SNIP1: variants seen among roughly 807,000 people sequenced by gnomAD.
SNIP1 encodes the protein smad nuclear-interacting protein 1.
Under a neutral mutation model 37.4 loss-of-function variants are expected in SNIP1, and 23 were observed. The observed-to-expected ratio is 0.61, with a 90% confidence interval of 0.44 to 0.87. The LOEUF is 0.87. Ranked by LOEUF, SNIP1 falls within the 40% of genes least tolerant of loss-of-function variation. The pLI is 0.00. For missense variants in SNIP1, 459 were observed against 540.4 expected, an observed-to-expected ratio of 0.85 and a Z score of 1.49; for synonymous variants, 174 against 200.0, an observed-to-expected ratio of 0.87 and a Z score of 1.10.
In SNIP1 at chr1:37,535,381, G is replaced by C. The variant is rs1396818014; in HGVS notation, c.*2367C>G. 2 of 151,216 alleles carry C rather than the reference G, an allele frequency of 1.3e-5. No individual in the cohort carries two copies. Among genetic ancestry groups the C allele is most frequent in the African/African-American group, 4.9e-5 (2 of 40,938 alleles). 9.4% of individuals were successfully genotyped at this position (151,216 alleles called of 1,614,324 possible). A position where few individuals can be genotyped will look rare whatever the true frequency, so the allele number is the denominator to read the frequency against. The stretch of plus-strand genomic sequence containing the variant: ...CACTCCAGCCTGGGCGACAGAGTGA[G>C]ACGCCATCTCAAAACAAACAAACCA... On this transcript the variant is annotated 3_prime_UTR_variant, in exon 4 of 4. Transcript: ENST00000296215.
intron 2 of SNIP1, among the ~76,000 whole-genome samples, chr1:37,552,208 G>A (rs996337198): frequency 1.3e-5 from 2 of 152,200 alleles, no homozygotes; most frequent in Non-Finnish European, 2.9e-5. Context: ...GAAGTTGACA[G>A]AAGTTAAGGA....
At chr1:37,553,411 T>C (rs1189297945) in intron 1 of SNIP1, among the ~76,000 whole-genome samples, 1 of 152,202 alleles carries the variant, frequency 6.6e-6, no homozygotes, top group East Asian at 1.9e-4. Context: ...AACTATTTTG[T>C]TTATTTTTTT....
chr1:37,552,468 A>G (rs1044698668), intron 2 of SNIP1, 177 bp downstream of exon 2: 2 of 599,996 alleles, frequency 3.3e-6, no homozygotes, highest in Admixed American at 3.1e-5. Flanking sequence ...TAAGCAAACA[A>G]GCAGAAAAAA....
chr1:37,543,844 G>A (rs1299747911), intron 2 of SNIP1, among the ~76,000 whole-genome samples: 1 of 151,760 alleles, frequency 6.6e-6, no homozygotes, highest in Non-Finnish European at 1.5e-5. Context: ...AGAGGCAGCA[G>A]AAACAAGTCT....
At position 37,534,549 on chromosome 1, in the gene SNIP1, A is replaced by G. The variant is rs955876258; in HGVS notation, c.*3199T>C. 1.3e-5 allele frequency: 2 copies of G among 152,220 alleles called. No homozygotes were observed. The highest frequency in any genetic ancestry group is 1.3e-4 in the Admixed American group (2 of 15,276). 9.4% of individuals were successfully genotyped at this position (152,220 alleles called of 1,614,324 possible). A position where few individuals can be genotyped will look rare whatever the true frequency, so the allele number is the denominator to read the frequency against. ...CACTGTGGGCTCAGAACATTATTTC[A>G]CAAGCAGGTATTGCTGGCACGTTGT... is the stretch of plus-strand genomic sequence containing the variant. On this transcript the variant is annotated 3_prime_UTR_variant, in exon 4 of 4. Coordinates refer to ENST00000296215, the MANE Select transcript of SNIP1 (RefSeq NM_024700.4).
In SNIP1 at chr1:37,544,010, G is replaced by A. The variant is rs372224475; in HGVS notation, c.328-3255C>T. Among the ~76,000 whole-genome samples the A allele has an allele frequency of 2.0e-4, 31 of 152,142 alleles. No individual in the cohort carries two copies. The South Asian group carries it at 6.0e-3, about 30-fold the overall frequency. On this transcript the variant is annotated intron_variant, in intron 2 of 3. Coordinates refer to ENST00000296215, the MANE Select transcript of SNIP1 (RefSeq NM_024700.4). ...AAAATGCAAAAATTAGCCAGGTGTGGTAGCGCATGCCTGTAATCCAGCTAC... is the reference window on the plus strand; with the variant it reads ...AAAATGCAAAAATTAGCCAGGTGTGATAGCGCATGCCTGTAATCCAGCTAC...
At chr1:37,539,161 T>C (rs1643136454) in intron 3 of SNIP1, among the ~76,000 whole-genome samples, 1 of 152,216 alleles carries the variant, frequency 6.6e-6, no homozygotes, top group Admixed American at 6.5e-5. Flanking sequence ...CATTATATAT[T>C]ACAATGTGAT....
intron 2 of SNIP1, chr1:37,544,653 C>A (rs1298647195): frequency 6.0e-6 from 3 of 504,154 alleles, no homozygotes; most frequent in Non-Finnish European, 7.3e-6. Flanking sequence ...GCTGGCCGCC[C>A]ATAGCTAGCC....
At position 37,540,926 on chromosome 1, in the gene SNIP1, G is replaced by A. The variant is rs535334259; in HGVS notation, c.328-171C>T. 10 of 606,514 alleles carry A rather than the reference G, an allele frequency of 1.6e-5. No individual in the cohort carries two copies. In the South Asian group the frequency reaches 1.7e-4, roughly 11 times the overall value. The allele number at this position is 606,514 out of a possible 1,614,324, so 37.6% of individuals were successfully genotyped here. On this transcript the variant is annotated intron_variant, in intron 2 of 3. Transcript: ENST00000296215. This position sits in a 1 kb window ranked among gnomAD's most constrained non-coding sequence, Gnocchi z 5.6. ...TTATGTCTGGTGGTTATGTTCCCTC[G>A]CAAGGCCACAAAGATGATATCCCAT...
chr1:37,550,778 T>C (rs1257665543), intron 2 of SNIP1, among the ~76,000 whole-genome samples: 1 of 151,238 alleles, frequency 6.6e-6, no homozygotes, highest in African/African-American at 2.4e-5. Context: ...AGAAGATACA[T>C]ATAGATGGCA....
chr1:37,552,714 C>T lies in SNIP1; in HGVS notation c.258G>A (p.Gly86=), dbSNP rs1302224573. 6.2e-7 allele frequency: 1 copy of T among 1,614,184 alleles called. No individual in the cohort carries two copies. The highest frequency in any genetic ancestry group is 1.7e-5 in the Admixed American group (1 of 60,020). The part of the protein sequence containing the change: ...SPPKKKNKAS[G]RRSKSPRSKR... ...TACTGCGAGGAGACTTGCTTCTTCT[C>T]CCTGAGGCCTTGTTTTTCTTTTTGG... Residue 86 remains glycine, a synonymous_variant, in exon 2 of 4, where the codon GGG becomes GGA. Transcript: ENST00000296215.
chr1:37,546,350 G>C (rs551203978), intron 2 of SNIP1, among the ~76,000 whole-genome samples: 3 of 152,138 alleles, frequency 2.0e-5, no homozygotes, highest in Non-Finnish European at 4.4e-5. Flanking sequence ...ATCTCATCAT[G>C]TCCTTTATCC....
rs911196290 is a variant in SNIP1 at position 37,537,538 on chromosome 1, G to C, written c.*210C>G. The C allele has an allele frequency of 3.7e-6, 2 of 544,554 alleles. No homozygotes were observed. Among genetic ancestry groups the C allele is most frequent in the Non-Finnish European group, 6.4e-6 (2 of 311,824 alleles). The allele number at this position is 544,554 out of a possible 1,614,324, so 33.7% of individuals were successfully genotyped here. A position where few individuals can be genotyped will look rare whatever the true frequency, so the allele number is the denominator to read the frequency against. Reference sequence around the variant, plus strand: ...TGAAAACAAATGCCTGCAGGCATGTGGCCAAGGTGCCACAGAAAAAGTTTA... The same window carrying C: ...TGAAAACAAATGCCTGCAGGCATGTCGCCAAGGTGCCACAGAAAAAGTTTA... On this transcript the variant is annotated 3_prime_UTR_variant, in exon 4 of 4. Transcript: ENST00000296215.
chr1:37,554,128 G>T lies in SNIP1; in HGVS notation c.102C>A (p.Leu34=), dbSNP rs759462400. 6.2e-7 allele frequency: 1 copy of T among 1,613,106 alleles called. No homozygotes were observed. Among genetic ancestry groups the T allele is most frequent in the South Asian group, 1.1e-5 (1 of 91,024 alleles). ...GGGCGGGAGGTGCGACTTCTGGGCT[G>T]AGACGCTCCTGCTTCACCACCACCC... The part of the protein sequence containing the change: ...PAGVVVKQER[L]SPEVAPPAHR... The change falls in exon 1 of 4, where the codon CTC becomes CTA. Residue 34 remains leucine, a synonymous_variant. Transcript: ENST00000296215.
At chr1:37,544,716 C>T (rs1468918717) in intron 2 of SNIP1, 1 of 625,478 alleles carries the variant, frequency 1.6e-6, no homozygotes, top group Non-Finnish European at 3.0e-6. Flanking sequence ...CCCGCCGCCA[C>T]TCCAGCGCCG....
chr1:37,544,808 ATCAACCGCCAGATCAACGTG>A (rs1643213715), intron 2 of SNIP1: 1 of 753,524 alleles, frequency 1.3e-6, no homozygotes, highest in South Asian at 1.3e-5. Context: ...AACTACCGCC[ATCAACCGCCAGATCAACGTG>A]GAGCTCTATG....
At chr1:37,543,190 T>C (rs1007627872) in intron 2 of SNIP1, among the ~76,000 whole-genome samples, 2 of 151,876 alleles carry the variant, frequency 1.3e-5, no homozygotes, top group Non-Finnish European at 2.9e-5. Flanking sequence ...ATCAATAATA[T>C]CTAGAGTCAA....
Position 37,536,684 on chromosome 1 carries a change from T to A in SNIP1, c.*1064A>T, listed in dbSNP as rs576385963. 6.6e-6 allele frequency: 1 copy of A among 152,468 alleles called. No homozygotes were observed. Among genetic ancestry groups the A allele is most frequent in the East Asian group, 1.9e-4 (1 of 5,188 alleles). The allele number at this position is 152,468 out of a possible 1,614,324, so 9.4% of individuals were successfully genotyped here. ...CACACAATTTACATATATACATACA[T>A]ACACACTATATGTAAGCAGCAAATA... On this transcript the variant is annotated 3_prime_UTR_variant, in exon 4 of 4. Transcript: ENST00000296215.
At chr1:37,541,730 AG>A (rs1643176650) in intron 2 of SNIP1, 1 of 151,712 alleles carries the variant, frequency 6.6e-6, no homozygotes, top group Non-Finnish European at 1.5e-5. Context: ...CAGTAGTCCC[AG>A]GGGGATACAT....
Sources: gnomAD v4.1 joint callset for allele counts (sites outside exome capture counted in the v4.1 genomes callset) on GRCh38, gnomAD v4.1.1 for gene constraint, Gnocchi (gnomAD v3.1) non-coding constraint, MANE v1.5 for transcripts, NCBI Gene and HGNC (gene_info 2026-07-23, HGNC 2026-07-21) for gene names.